The following UMAD1 variants were observed in gnomAD, a reference collection of about 807,000 sequenced individuals.
The protein encoded by UMAD1 is UBAP1-MVB12-associated (UMA) domain containing 1.
A neutral mutation model predicts 6.1 loss-of-function variants in UMAD1; 8 were observed. The ratio of observed to expected loss-of-function variants is 1.30; its 90% CI spans 0.76 to 2.35. The LOEUF is 2.35. Among genes scored for constraint, UMAD1 ranks in the 30% most tolerant of loss-of-function variants. The pLI is 0.00. For synonymous variants in UMAD1, 56 were observed against 31.4 expected, an observed-to-expected ratio of 1.78 and a Z score of -2.61; for missense variants, 130 against 78.4, an observed-to-expected ratio of 1.66 and a Z score of -2.49.
chr7:7,716,665 G>C (rs1309634314), intron 2 of UMAD1, among the ~76,000 whole-genome samples: 1 of 152,126 alleles, frequency 6.6e-6, no homozygotes, highest in Non-Finnish European at 1.5e-5. Flanking sequence ...AGGCCGGCGC[G>C]GCCGGCGCGG....
intron 3 of UMAD1, among the ~76,000 whole-genome samples, chr7:7,827,900 T>C (rs2115302268): frequency 6.6e-6 from 1 of 152,332 alleles, no homozygotes; most frequent in Middle Eastern, 3.4e-3. Flanking sequence ...GTTTAACCCC[T>C]CTTCTTATAG....
intron 2 of UMAD1, among the ~76,000 whole-genome samples, chr7:7,786,197 A>G (rs1782457807): frequency 6.6e-6 from 1 of 152,174 alleles, no homozygotes; most frequent in African/African-American, 2.4e-5. Flanking sequence ...CACATGTTGC[A>G]TTTACTCGGG....
chr7:7,709,747 A>G (rs531995494), intron 2 of UMAD1, among the ~76,000 whole-genome samples: 149 of 152,274 alleles, frequency 9.8e-4, no homozygotes, highest in African/African-American at 3.4e-3. Flanking sequence ...GCTCTTGCTT[A>G]TGCAAATCTC....
chr7:7,698,010 T>TC (rs1442610297), intron 2 of UMAD1, among the ~76,000 whole-genome samples: 1 of 152,188 alleles, frequency 6.6e-6, no homozygotes, highest in African/African-American at 2.4e-5. Flanking sequence ...CTCATTTGAT[T>TC]GTTAGAATGT....
At chr7:7,716,506 C>T (rs1209347574) in intron 2 of UMAD1, among the ~76,000 whole-genome samples, 1 of 152,156 alleles carries the variant, frequency 6.6e-6, no homozygotes, top group Admixed American at 6.5e-5. Context: ...GTAGCTGTGC[C>T]AATAGTAAAG....
intron 2 of UMAD1, among the ~76,000 whole-genome samples, chr7:7,740,451 C>CT (rs1338351513): frequency 6.6e-6 from 1 of 152,198 alleles, no homozygotes; most frequent in Non-Finnish European, 1.5e-5. Flanking sequence ...CTTTATGCTA[C>CT]TTTTTATGGT....
intron 2 of UMAD1, among the ~76,000 whole-genome samples, chr7:7,677,976 C>T (rs1352052876): frequency 6.6e-6 from 1 of 152,132 alleles, no homozygotes; most frequent in Non-Finnish European, 1.5e-5. Context: ...CCCGGCCTAT[C>T]TATTCATCTG....
Position 7,727,065 on chromosome 7 carries a change from A to G in UMAD1, c.82+53612A>G, listed in dbSNP as rs76315866. On this transcript the variant is annotated intron_variant, in intron 2 of 3. Transcript: ENST00000682710. ...AAAGTTTGGGTCACTCCATCTGGAAAAAAACCCATGACCTGTTGAGGTGTG... is the reference window on the plus strand; with the variant it reads ...AAAGTTTGGGTCACTCCATCTGGAAGAAAACCCATGACCTGTTGAGGTGTG... 2.0e-5 allele frequency among the ~76,000 whole-genome samples: 3 copies of G among 152,322 alleles called. No homozygotes were observed. The East Asian group carries it at 5.8e-4, about 29-fold the overall frequency.
At chr7:7,806,172 C>A (rs549920466) in intron 3 of UMAD1, among the ~76,000 whole-genome samples, 2 of 152,132 alleles carry the variant, frequency 1.3e-5, no homozygotes, top group African/African-American at 4.8e-5. Flanking sequence ...ACTAGGTCCT[C>A]ATCTGTTCAC....
At chr7:7,852,178 C>T (rs763337138) in intron 3 of UMAD1, among the ~76,000 whole-genome samples, 5 of 152,060 alleles carry the variant, frequency 3.3e-5, no homozygotes, top group Non-Finnish European at 5.9e-5. Context: ...ATCAGCTGAC[C>T]GCAGATACGT....
At chr7:7,680,231 T>G (rs1779875241) in intron 2 of UMAD1, among the ~76,000 whole-genome samples, 1 of 152,116 alleles carries the variant, frequency 6.6e-6, no homozygotes, top group Admixed American at 6.6e-5. Context: ...TGGCGAGAGA[T>G]AGGGGTCTAG....
At chr7:7,825,679 A>G (rs1363606153) in intron 3 of UMAD1, among the ~76,000 whole-genome samples, 2 of 152,174 alleles carry the variant, frequency 1.3e-5, no homozygotes, top group Non-Finnish European at 2.9e-5. Context: ...CCCTATTTCC[A>G]AAGAATGAAT....
chr7:7,671,297 CT>C (rs1563105873), intron 1 of UMAD1, among the ~76,000 whole-genome samples: 1 of 152,178 alleles, frequency 6.6e-6, no homozygotes, highest in East Asian at 1.9e-4. Context: ...GCATGCCCCC[CT>C]CTTCTCTTTA....
In UMAD1 at chr7:7,659,877, A is replaced by G. The variant is rs115159042; in HGVS notation, c.-63-13432A>G. ...TCCTTGTTAATTTTCTGTCTCGTTG[A>G]TGTATCTAATATTGACTGTGAGTTG... On this transcript the variant is annotated intron_variant, in intron 1 of 3. Transcript: ENST00000682710. 5.2e-3 allele frequency among the ~76,000 whole-genome samples: 788 copies of G among 152,182 alleles called. 9 individuals carry two copies. Among genetic ancestry groups the G allele is most frequent in the African/African-American group, 0.018 (760 of 41,516 alleles).
intron 2 of UMAD1, among the ~76,000 whole-genome samples, chr7:7,699,066 C>A (rs189270251): frequency 1.3e-5 from 2 of 150,588 alleles, no homozygotes; most frequent in East Asian, 3.9e-4. Flanking sequence ...GGGGTAGATA[C>A]CAGGTTTGCT....
At chr7:7,854,144 C>G (rs10281142) in intron 3 of UMAD1, among the ~76,000 whole-genome samples, 1 of 151,542 alleles carries the variant, frequency 6.6e-6, no homozygotes, top group African/African-American at 2.4e-5. Flanking sequence ...TCCCCTGAGG[C>G]TGGAAGTTTG....
chr7:7,802,376 CA>C (rs56327681), intron 3 of UMAD1, among the ~76,000 whole-genome samples: 11,103 of 42,310 alleles, frequency 0.26, 947 homozygotes, highest in African/African-American at 0.53. Context: ...GACTCCGTCT[CA>C]AAAAAAAAAA....
chr7:7,753,925 T>C (rs1781727193), intron 2 of UMAD1, among the ~76,000 whole-genome samples: 2 of 152,158 alleles, frequency 1.3e-5, no homozygotes, highest in South Asian at 4.1e-4. Context: ...GGCTCATTCC[T>C]GTAATCCCAG....
intron 2 of UMAD1, among the ~76,000 whole-genome samples, chr7:7,722,189 ATATATC>A (rs1438900939): frequency 6.7e-6 from 1 of 148,946 alleles, no homozygotes; most frequent in Non-Finnish European, 1.5e-5. Context: ...ATGTATATCT[ATATATC>A]TATATAGATA....
Sources: allele counts gnomAD v4.1 joint callset (sites outside exome capture counted in the v4.1 genomes callset), GRCh38; gene constraint gnomAD v4.1.1; transcripts MANE v1.5; gene names NCBI Gene and HGNC (gene_info 2026-07-23, HGNC 2026-07-21).